PALS1: variants seen among roughly 807,000 people sequenced by gnomAD.
PALS1 encodes protein associated with LIN7 1, MAGUK p55 family member, also known as protein PALS1.
A neutral mutation model predicts 78.9 loss-of-function variants in PALS1; 31 were observed. That is an observed-to-expected ratio of 0.39 (90% CI 0.30 to 0.53). PALS1 has a LOEUF of 0.53. Among genes scored for constraint, PALS1 ranks in the 20% least tolerant of loss-of-function variants. PALS1 has a pLI of 0.67. For missense variants in PALS1, 704 were observed against 826.5 expected, an observed-to-expected ratio of 0.85 and a Z score of 1.82; for synonymous variants, 276 against 270.9, an observed-to-expected ratio of 1.02 and a Z score of -0.18.
intron 13 of PALS1, 83 bp from the exon 14 acceptor site, chr14:67,323,613 CTAATAT>C (rs1566580505): frequency 2.0e-5 from 5 of 253,118 alleles, no homozygotes; most frequent in East Asian, 9.3e-5. Context: ...GTCCCTTAAT[CTAATAT>C]ATATATATAT....
In PALS1 at chr14:67,321,086, G is replaced by T. The variant is rs773852186; in HGVS notation, c.1567G>T (p.Val523Leu). 6.2e-7 allele frequency: 1 copy of T among 1,614,096 alleles called. No individual in the cohort carries two copies. The highest frequency in any genetic ancestry group is 1.1e-5 in the South Asian group (1 of 91,082). ...AACCCGGAGTAGGCGAGACCAAGAA[G>T]TAGCCGGTAGAGATTACCACTTTGT... ...HTTRSRRDQE[V>L]AGRDYHFVSR... The change falls in exon 13 of 15, where the codon GTA becomes TTA. Residue 523 changes from valine to leucine, a missense_variant. Val to Leu is a conservative substitution (Grantham distance 32). Transcript: ENST00000261681.
chr14:67,319,057 CAAAAA>C (rs367594842), intron 11 of PALS1, among the ~76,000 whole-genome samples: 1 of 114,092 alleles, frequency 8.8e-6, no homozygotes, highest in African/African-American at 2.9e-5. Context: ...GACTCCGTCT[CAAAAA>C]AAAAAAAAAA....
intron 1 of PALS1, among the ~76,000 whole-genome samples, chr14:67,259,238 C>G (rs1489990235): frequency 6.6e-6 from 1 of 151,732 alleles, no homozygotes; most frequent in African/African-American, 2.4e-5. Flanking sequence ...ACATGTATAC[C>G]CTGTTTCTGT....
Position 67,277,236 on chromosome 14 carries a change from G to GA in PALS1, c.-153-1782_-153-1781insA, listed in dbSNP as rs1441347456. 1.5e-3 allele frequency among the ~76,000 whole-genome samples: 231 copies of GA among 152,302 alleles called. 1 individual carries two copies. Among genetic ancestry groups the GA allele is most frequent in the African/African-American group, 5.3e-3 (222 of 41,562 alleles). On this transcript the variant is annotated intron_variant, in intron 2 of 14. Transcript: ENST00000261681. ...AAGGCAGTCTAATGGTAAATAAGGTGCTTACGTGTAGATCACAGTTAGAAA... is the reference window on the plus strand; with the variant it reads ...AAGGCAGTCTAATGGTAAATAAGGTGACTTACGTGTAGATCACAGTTAGAAA...
At chr14:67,331,593 ATT>A (rs1317310439) in intron 14 of PALS1, among the ~76,000 whole-genome samples, 2 of 152,084 alleles carry the variant, frequency 1.3e-5, no homozygotes, top group African/African-American at 4.8e-5. Flanking sequence ...GAGCTAAAAC[ATT>A]TTGTTTCATC....
intron 2 of PALS1, among the ~76,000 whole-genome samples, chr14:67,276,319 G>C (rs767056356): frequency 1.3e-4 from 20 of 152,094 alleles, no homozygotes; most frequent in Non-Finnish European, 2.5e-4. Context: ...TCTGTTTTCT[G>C]AAAGTGCCAT....
intron 1 of PALS1, among the ~76,000 whole-genome samples, chr14:67,255,460 A>C (rs2084131754): frequency 6.6e-6 from 1 of 152,166 alleles, no homozygotes; most frequent in South Asian, 2.1e-4. Flanking sequence ...GCTTTCTTAC[A>C]TTTTAAAATT....
intron 3 of PALS1, among the ~76,000 whole-genome samples, chr14:67,285,339 C>T (rs1323288954): frequency 6.6e-6 from 1 of 151,442 alleles, no homozygotes; most frequent in African/African-American, 2.4e-5. Flanking sequence ...TAAATGATGC[C>T]AATCCAGATG....
intron 1 of PALS1, among the ~76,000 whole-genome samples, chr14:67,244,902 T>G (rs970526608): frequency 1.3e-5 from 2 of 152,142 alleles, no homozygotes; most frequent in Admixed American, 6.6e-5. Context: ...ATTATTCAGG[T>G]GGTCCCAGTG....
chr14:67,308,262 T>A (rs1242139540), intron 8 of PALS1, among the ~76,000 whole-genome samples: 1 of 148,874 alleles, frequency 6.7e-6, no homozygotes. Flanking sequence ...GTGTAAAAAG[T>A]ATAAAAGCCA....
chr14:67,318,641 TGTC>T (rs72454007), intron 11 of PALS1, among the ~76,000 whole-genome samples: 7,345 of 152,292 alleles, frequency 0.048, 340 homozygotes, highest in African/African-American at 0.12. Context: ...TTTATGATGA[TGTC>T]ATCATCATGA....
chr14:67,297,580 A>G (rs2084876295), intron 4 of PALS1, among the ~76,000 whole-genome samples: 1 of 152,218 alleles, frequency 6.6e-6, no homozygotes, highest in South Asian at 2.1e-4. Context: ...TATTACTTTG[A>G]TAACATTGTG....
chr14:67,332,006 C>T (rs2085458246), intron 14 of PALS1, among the ~76,000 whole-genome samples: 1 of 152,176 alleles, frequency 6.6e-6, no homozygotes, highest in Non-Finnish European at 1.5e-5. Flanking sequence ...CTTACTGTTA[C>T]AGAAGTTCAA....
intron 1 of PALS1, among the ~76,000 whole-genome samples, chr14:67,261,797 A>G (rs2084242412): frequency 6.6e-6 from 1 of 152,082 alleles, no homozygotes; most frequent in Non-Finnish European, 1.5e-5. Flanking sequence ...AGCAATAGAT[A>G]TCTTGTTACC....
chr14:67,325,191 C>T (rs569065803), intron 14 of PALS1, among the ~76,000 whole-genome samples: 11 of 152,130 alleles, frequency 7.2e-5, no homozygotes, highest in Non-Finnish European at 1.3e-4. Flanking sequence ...AGGCGTGAGC[C>T]ACCAGGCCCA....
rs530471075 is a variant in PALS1, at chr14:67,243,408, G to A, written c.-237+1875G>A. 2.0e-5 allele frequency among the ~76,000 whole-genome samples: 3 copies of A among 150,850 alleles called. No homozygotes were observed. The South Asian group carries it at 6.3e-4, about 31-fold the overall frequency. On this transcript the variant is annotated intron_variant, in intron 1 of 14. Transcript: ENST00000261681. ...TCACCATGTTGGCCAGGCTGGCCTC[G>A]AACTCCTGACCTCAGGTGATCCACC...
At chr14:67,316,562 C>T (rs1036296538) in intron 9 of PALS1, among the ~76,000 whole-genome samples, 3 of 151,926 alleles carry the variant, frequency 2.0e-5, no homozygotes, top group African/African-American at 7.3e-5. Flanking sequence ...TCAATGAAAC[C>T]TTTTAAAAAG....
At chr14:67,308,167 A>G (rs1003993282) in intron 8 of PALS1, among the ~76,000 whole-genome samples, 3 of 152,038 alleles carry the variant, frequency 2.0e-5, no homozygotes, top group Admixed American at 2.0e-4. Flanking sequence ...AATCTGTACA[A>G]CAAACCCCCA....
At chr14:67,251,284 A>G (rs921650436) in intron 1 of PALS1, among the ~76,000 whole-genome samples, 1 of 152,206 alleles carries the variant, frequency 6.6e-6, no homozygotes, top group African/African-American at 2.4e-5. Flanking sequence ...CTGAAATCCC[A>G]GTATTTTGGA....
Sources: allele counts gnomAD v4.1 joint callset (sites outside exome capture counted in the v4.1 genomes callset), GRCh38; gene constraint gnomAD v4.1.1; transcripts MANE v1.5; gene names NCBI Gene and HGNC (gene_info 2026-07-23, HGNC 2026-07-21).